Variants in PRPF6 observed in about 807,000 individuals in gnomAD.
The protein encoded by PRPF6 is pre-mRNA-processing factor 6.
PRPF6 carries 42 observed loss-of-function variants against 118.3 expected under a neutral mutation model. The ratio of observed to expected loss-of-function variants is 0.35; its 90% confidence interval spans 0.28 to 0.46. The LOEUF (loss-of-function observed/expected upper bound fraction) is 0.46. Among genes scored for constraint, PRPF6 ranks in the 20% least tolerant of loss-of-function variants. The pLI is 1.00. For missense variants in PRPF6, 662 were observed against 1,255.7 expected, an observed-to-expected ratio of 0.53 and a Z score of 7.15; for synonymous variants, 481 against 485.1, an observed-to-expected ratio of 0.99 and a Z score of 0.11.
chr20:63,987,043 A>G (rs1002212335), intron 3 of PRPF6, among the ~76,000 whole-genome samples: 1 of 151,352 alleles, frequency 6.6e-6, no homozygotes, highest in African/African-American at 2.4e-5. Context: ...CGTGGCACAC[A>G]CCTGTAGTCC....
At chr20:63,984,353 G>A (rs546560901) in intron 2 of PRPF6, among the ~76,000 whole-genome samples, 2 of 152,124 alleles carry the variant, frequency 1.3e-5, no homozygotes, top group African/African-American at 2.4e-5. Context: ...CCCGGGAGGC[G>A]GAGGTTGCGG....
At position 63,995,500 on chromosome 20, in the gene PRPF6, C is replaced by T; in HGVS notation, c.771+18C>T. On this transcript the variant is annotated intron_variant, in intron 6 of 20. Coordinates refer to ENST00000266079, the MANE Select transcript of PRPF6 (RefSeq NM_012469.4). ...TGAGCCAGGTGAGTTTGTCACACAG[C>T]ATTTTCCTGTGGACAGGTTTAGACA... 2 of 1,613,914 alleles carry T rather than the reference C, an allele frequency of 1.2e-6. No individual in the cohort carries two copies. Among genetic ancestry groups the T allele is most frequent in the Non-Finnish European group, 1.7e-6 (2 of 1,179,936 alleles).
At position 64,033,030 on chromosome 20, in the gene PRPF6, G is replaced by A. The variant is rs371242203; in HGVS notation, c.*37G>A. The A allele has an allele frequency of 1.2e-5, 20 of 1,612,240 alleles. No homozygotes were observed. The African/African-American group carries it at 1.9e-4, about 15-fold the overall frequency. Reference sequence around the variant, plus strand: ...CCATGGCCGGTCTCCGTGGGGCAGGGTTGGGCCGCATGTGGAAGGGCTCTG... The same window carrying A: ...CCATGGCCGGTCTCCGTGGGGCAGGATTGGGCCGCATGTGGAAGGGCTCTG... On this transcript the variant is annotated 3_prime_UTR_variant, in exon 21 of 21. Coordinates refer to ENST00000266079, the MANE Select transcript of PRPF6 (RefSeq NM_012469.4).
chr20:64,027,495 G>T lies in PRPF6; in HGVS notation c.2206-108G>T. On this transcript the variant is annotated intron_variant, in intron 16 of 20. Coordinates refer to ENST00000266079, the MANE Select transcript of PRPF6 (RefSeq NM_012469.4). The surrounding 1 kb of genome is among the most constrained non-coding windows in gnomAD (Gnocchi z 6.5). The stretch of plus-strand genomic sequence containing the variant: ...TGAGGGGTGTTTTTCCATGGACATG[G>T]CAGCCCTGAGGGACTCGGTCACCCA... 6.7e-7 allele frequency: 1 copy of T among 1,502,940 alleles called. No individual in the cohort carries two copies. The highest frequency in any genetic ancestry group is 9.3e-7 in the Non-Finnish European group (1 of 1,080,970). 93.1% of individuals were successfully genotyped at this position (1,502,940 alleles called of 1,614,324 possible).
intron 9 of PRPF6, among the ~76,000 whole-genome samples, chr20:64,002,348 T>G (rs1345200590): frequency 6.8e-6 from 1 of 147,554 alleles, no homozygotes; most frequent in Non-Finnish European, 1.5e-5. Flanking sequence ...TCCATTTTTT[T>G]TTTTTTAGAC....
chr20:63,993,215 CAAAA>C (rs1215558007), intron 3 of PRPF6, among the ~76,000 whole-genome samples, 188 bp from the exon 4 acceptor site: 2 of 117,794 alleles, frequency 1.7e-5, no homozygotes, highest in South Asian at 5.7e-4. Flanking sequence ...GACTCCATCT[CAAAA>C]AAAAAAATGT....
At position 63,995,151 on chromosome 20, in the gene PRPF6, A is replaced by G. The variant is rs965337163; in HGVS notation, c.615+59A>G. On this transcript the variant is annotated intron_variant, in intron 5 of 20. Coordinates refer to ENST00000266079, the MANE Select transcript of PRPF6 (RefSeq NM_012469.4). ...TTAGTCCTGTTAGATCAGTGGCAGG[A>G]ATGGTGGGTGGTGTTGGATTCAATG... is the stretch of plus-strand genomic sequence containing the variant. 10 of 1,610,448 alleles carry G rather than the reference A, an allele frequency of 6.2e-6. No individual in the cohort carries two copies. The Admixed American group carries it at 1.5e-4, about 24-fold the overall frequency.
At chr20:64,031,493 T>C (rs1258206304) in intron 19 of PRPF6, among the ~76,000 whole-genome samples, 1 of 151,744 alleles carries the variant, frequency 6.6e-6, no homozygotes, top group African/African-American at 2.4e-5. Context: ...ACCAACACAG[T>C]GAAACCCCAT....
At chr20:63,989,139 A>C (rs2059107625) in intron 3 of PRPF6, among the ~76,000 whole-genome samples, 1 of 152,202 alleles carries the variant, frequency 6.6e-6, no homozygotes, top group Non-Finnish European at 1.5e-5. Context: ...TTTATTGGGG[A>C]AAAGACAATC....
intron 1 of PRPF6, among the ~76,000 whole-genome samples, chr20:63,981,679 C>G (rs950082819): frequency 7.3e-6 from 1 of 136,114 alleles, no homozygotes; most frequent in African/African-American, 2.8e-5. Context: ...CCGCCTTAAG[C>G]GTGCCTGGGT....
intron 1 of PRPF6, among the ~76,000 whole-genome samples, chr20:63,982,763 T>C (rs543738522): frequency 6.6e-6 from 1 of 152,226 alleles, no homozygotes; most frequent in South Asian, 2.1e-4. Flanking sequence ...GAGCTCAGTG[T>C]GGGCCAAGTT....
At chr20:64,001,737 G>A (rs1231820837) in intron 9 of PRPF6, among the ~76,000 whole-genome samples, 1 of 152,244 alleles carries the variant, frequency 6.6e-6, no homozygotes, top group Non-Finnish European at 1.5e-5. Flanking sequence ...GCGATGCAGC[G>A]TGTGCCGTCA....
rs927220869 is a variant in PRPF6 at position 64,028,897 on chromosome 20, A to G, written c.2431+328A>G. ...AGAAATTGGCCAGGTGTGGTGGCTCATGCCTGTAATCTCAGCACTTTGAGA... is the reference window on the plus strand; with the variant it reads ...AGAAATTGGCCAGGTGTGGTGGCTCGTGCCTGTAATCTCAGCACTTTGAGA... On this transcript the variant is annotated intron_variant, in intron 18 of 20. Transcript: ENST00000266079. This position sits in a 1 kb window ranked among gnomAD's most constrained non-coding sequence, Gnocchi z 6.5. Among the ~76,000 whole-genome samples, 2 of 152,176 alleles carry G rather than the reference A, an allele frequency of 1.3e-5. No individual in the cohort carries two copies. The highest frequency in any genetic ancestry group is 6.5e-5 in the Admixed American group (1 of 15,276).
Position 64,028,614 on chromosome 20 carries a change from G to A in PRPF6, c.2431+45G>A. On this transcript the variant is annotated intron_variant, in intron 18 of 20. Coordinates refer to ENST00000266079, the MANE Select transcript of PRPF6 (RefSeq NM_012469.4). This position sits in a 1 kb window ranked among gnomAD's most constrained non-coding sequence, Gnocchi z 6.5. Reference sequence around the variant, plus strand: ...CCGGTAAGGGGGTGCCCTGACTCCGGTAAGGGGGTGCCTTGACTCCGGTAA... The same window carrying A: ...CCGGTAAGGGGGTGCCCTGACTCCGATAAGGGGGTGCCTTGACTCCGGTAA... 1 of 1,598,936 alleles carries A rather than the reference G, an allele frequency of 6.3e-7. No individual in the cohort carries two copies.
At chr20:64,009,231 A>T (rs2059203565) in intron 9 of PRPF6, among the ~76,000 whole-genome samples, 1 of 140,984 alleles carries the variant, frequency 7.1e-6, no homozygotes, top group Admixed American at 7.5e-5. Context: ...CAGTGAGCCG[A>T]GATCACGCCA....
chr20:64,021,850 C>T (rs1185873906), intron 12 of PRPF6, among the ~76,000 whole-genome samples: 27 of 107,992 alleles, frequency 2.5e-4, no homozygotes, highest in African/African-American at 8.6e-4. Context: ...CGTGTGTATG[C>T]GTGCATGTAT....
chr20:64,006,699 C>T (rs1276928662), intron 9 of PRPF6, among the ~76,000 whole-genome samples: 1 of 152,090 alleles, frequency 6.6e-6, no homozygotes, highest in African/African-American at 2.4e-5. Context: ...CTTGTGGCAG[C>T]GGAGATGGGA....
Position 64,033,071 on chromosome 20 carries a change from C to G in PRPF6, c.*78C>G. 6.3e-7 allele frequency: 1 copy of G among 1,589,998 alleles called. No homozygotes were observed. The highest frequency in any genetic ancestry group is 8.6e-7 in the Non-Finnish European group (1 of 1,164,890). On this transcript the variant is annotated 3_prime_UTR_variant, in exon 21 of 21. Coordinates refer to ENST00000266079, the MANE Select transcript of PRPF6 (RefSeq NM_012469.4). ...AAGGGCTCTGAGCTGTGTCCTCCTTCATTAAAAGTTTTTATGTCTCGTGTC... is the reference window on the plus strand; with the variant it reads ...AAGGGCTCTGAGCTGTGTCCTCCTTGATTAAAAGTTTTTATGTCTCGTGTC...
intron 9 of PRPF6, among the ~76,000 whole-genome samples, chr20:64,007,502 C>G (rs1449495886): frequency 2.0e-5 from 3 of 148,550 alleles, no homozygotes; most frequent in Non-Finnish European, 4.5e-5. Context: ...CCTCTTTTGC[C>G]TAGGCTGGAG....
Sources: gnomAD v4.1 joint callset for allele counts (sites outside exome capture counted in the v4.1 genomes callset) on GRCh38, gnomAD v4.1.1 for gene constraint, Gnocchi (gnomAD v3.1) non-coding constraint, MANE v1.5 for transcripts, NCBI Gene and HGNC (gene_info 2026-07-23, HGNC 2026-07-21) for gene names.